ZMAT4: variants seen among roughly 807,000 people sequenced by gnomAD.
ZMAT4 encodes the protein zinc finger matrin-type protein 4.
Under a neutral mutation model 28.7 loss-of-function variants are expected in ZMAT4, and 17 were observed. The observed-to-expected ratio is 0.59, with a 90% CI of 0.41 to 0.89. The LOEUF (loss-of-function observed/expected upper bound fraction) is 0.89, where lower values mean the gene tolerates loss of function less well. ZMAT4 is among the 40% of genes least tolerant of loss of function. The probability of loss-of-function intolerance (pLI) is 0.00; values close to 1 mark genes in which losing one functional copy is unlikely to be tolerated. For synonymous variants in ZMAT4, 117 were observed against 109.2 expected, an observed-to-expected ratio of 1.07 and a Z score of -0.44; for missense variants, 240 against 283.8, an observed-to-expected ratio of 0.85 and a Z score of 1.11.
chr8:40,697,949 C>T (rs900938894), intron 3 of ZMAT4, among the ~76,000 whole-genome samples: 1 of 152,126 alleles, frequency 6.6e-6, no homozygotes, highest in Non-Finnish European at 1.5e-5. Context: ...ACCCATTATA[C>T]TCATTAAAGT....
chr8:40,711,001 G>T (rs1183177929), intron 3 of ZMAT4, among the ~76,000 whole-genome samples: 1 of 152,052 alleles, frequency 6.6e-6, no homozygotes, highest in African/African-American at 2.4e-5. Flanking sequence ...GGCTAGGATG[G>T]TCTCGATCTC....
At chr8:40,734,309 A>C (rs4526345) in intron 3 of ZMAT4, among the ~76,000 whole-genome samples, 36,270 of 152,050 alleles carry the variant, frequency 0.24, 4,871 homozygotes, top group East Asian at 0.56. Context: ...CTGGCACATT[A>C]TTAAATGGCA....
chr8:40,870,559 T>G (rs1389616762), intron 1 of ZMAT4, among the ~76,000 whole-genome samples: 1 of 152,202 alleles, frequency 6.6e-6, no homozygotes, highest in East Asian at 1.9e-4. Flanking sequence ...AGAAGTGAAT[T>G]ATTTATTCCA....
At chr8:40,575,963 T>G (rs1356627018) in intron 6 of ZMAT4, among the ~76,000 whole-genome samples, 4 of 151,650 alleles carry the variant, frequency 2.6e-5, no homozygotes, top group Admixed American at 1.3e-4. Context: ...AAGTTAGATA[T>G]CTCAAAAAAG....
intron 3 of ZMAT4, 37 bp from the exon 4 acceptor site, chr8:40,697,438 A>T (rs1563418561): frequency 6.8e-7 from 1 of 1,463,300 alleles, no homozygotes. Flanking sequence ...TGTGAGAGAA[A>T]CCCATTCCAT....
chr8:40,589,728 T>TTTCTTTCTTTC (rs1554523983), intron 5 of ZMAT4, among the ~76,000 whole-genome samples: 3 of 49,242 alleles, frequency 6.1e-5, no homozygotes, highest in African/African-American at 2.0e-4. Flanking sequence ...TCCTTCTTCC[T>TTTCTTTCTTTC]TTCCTTTCTT....
intron 5 of ZMAT4, among the ~76,000 whole-genome samples, chr8:40,639,889 G>A (rs1270489910): frequency 6.6e-6 from 1 of 151,590 alleles, no homozygotes; most frequent in African/African-American, 2.4e-5. Context: ...TTTTAAAAAG[G>A]GTAAAAAAAC....
rs10099922 is a variant in ZMAT4 at position 40,736,063 on chromosome 8, G to A, written c.192+31578C>T. Among the ~76,000 whole-genome samples, 715 of 152,264 alleles carry A rather than the reference G, an allele frequency of 4.7e-3. 2 individuals are homozygous for A. Among genetic ancestry groups the A allele is most frequent in the African/African-American group, 0.016 (677 of 41,546 alleles). ...ATGCAGTAATGCCACAGTGCAGAGC[G>A]GGAGAAACACTGTATAAAGTCAACC... On this transcript the variant is annotated intron_variant, in intron 3 of 6. Transcript: ENST00000297737.
rs891944893 is a variant in ZMAT4, at chr8:40,873,105, C to G, written c.-5+24578G>C. On this transcript the variant is annotated intron_variant, in intron 1 of 6. Transcript: ENST00000297737. ...TTAGATGAAGAATCCTTGGGAGGAA[C>G]AAAGGGGGCAACTGCAGCTTTGAGG... is the stretch of plus-strand genomic sequence containing the variant. Among the ~76,000 whole-genome samples, 8 of 152,236 alleles carry G rather than the reference C, an allele frequency of 5.3e-5. No individual in the cohort carries two copies. In the South Asian group the frequency reaches 1.7e-3, roughly 32 times the overall value.
At chr8:40,828,318 T>G (rs1047141976) in intron 1 of ZMAT4, among the ~76,000 whole-genome samples, 1 of 152,222 alleles carries the variant, frequency 6.6e-6, no homozygotes, top group South Asian at 2.1e-4. Context: ...ATTATCATGT[T>G]CCCTGCTATT....
At chr8:40,548,147 C>G (rs1803259035) in intron 6 of ZMAT4, among the ~76,000 whole-genome samples, 1 of 152,092 alleles carries the variant, frequency 6.6e-6, no homozygotes, top group Non-Finnish European at 1.5e-5. Context: ...AAGAGATAAT[C>G]AAACATTTAG....
rs4431579 is a variant in ZMAT4 at position 40,706,713 on chromosome 8, C to G, written c.193-9312G>C. Among the ~76,000 whole-genome samples the G allele has an allele frequency of 7.9e-5, 12 of 152,270 alleles. No homozygotes were observed. In the South Asian group the frequency reaches 2.3e-3, roughly 29 times the overall value. On this transcript the variant is annotated intron_variant, in intron 3 of 6. Transcript: ENST00000297737. ...GGGTGCTTTTCAGACATAATATGCTCCAAGCAAATTGATTTTTTTCAAGGT... is the reference window on the plus strand; with the variant it reads ...GGGTGCTTTTCAGACATAATATGCTGCAAGCAAATTGATTTTTTTCAAGGT...
intron 1 of ZMAT4, among the ~76,000 whole-genome samples, chr8:40,864,880 C>T (rs1265641447): frequency 6.6e-6 from 1 of 152,084 alleles, no homozygotes; most frequent in African/African-American, 2.4e-5. Flanking sequence ...TATAAAATTC[C>T]AATATTTATG....
rs530299131 is a variant in ZMAT4 at position 40,796,083 on chromosome 8, C to G, written c.103-28353G>C. The stretch of plus-strand genomic sequence containing the variant: ...CTCCTCAGAACAACCCAGCTCTCCC[C>G]CTCTGGCTGACTCTCAGGGGCTGAC... On this transcript the variant is annotated intron_variant, in intron 2 of 6. Coordinates refer to ENST00000297737, the MANE Select transcript of ZMAT4 (RefSeq NM_024645.3). Among the ~76,000 whole-genome samples the G allele has an allele frequency of 2.6e-4, 39 of 152,296 alleles. No homozygotes were observed. The South Asian group carries it at 7.3e-3, about 28-fold the overall frequency.
intron 5 of ZMAT4, among the ~76,000 whole-genome samples, chr8:40,594,044 G>A (rs1804999964): frequency 6.6e-6 from 1 of 152,160 alleles, no homozygotes; most frequent in African/African-American, 2.4e-5. Flanking sequence ...TTCAGGTGTG[G>A]CCAGTTAGGT....
intron 5 of ZMAT4, among the ~76,000 whole-genome samples, chr8:40,662,574 A>G (rs539405204): frequency 1.3e-5 from 2 of 152,320 alleles, no homozygotes; most frequent in South Asian, 2.1e-4. Context: ...AAGCGTCTTT[A>G]GAGAGTGTTC....
At chr8:40,786,986 C>T (rs1026377783) in intron 2 of ZMAT4, among the ~76,000 whole-genome samples, 1 of 152,084 alleles carries the variant, frequency 6.6e-6, no homozygotes, top group African/African-American at 2.4e-5. Context: ...GAAATTTTTT[C>T]AATAAACACC....
intron 5 of ZMAT4, among the ~76,000 whole-genome samples, chr8:40,637,812 C>A (rs1806853068): frequency 6.6e-6 from 1 of 152,096 alleles, no homozygotes. Context: ...ATAGCACGTG[C>A]TATATTTTAA....
At chr8:40,847,869 C>G (rs1031514731) in intron 1 of ZMAT4, among the ~76,000 whole-genome samples, 2 of 152,188 alleles carry the variant, frequency 1.3e-5, no homozygotes, top group African/African-American at 4.8e-5. Context: ...ACAGAAAACC[C>G]TGAGGTCAGC....
Sources: allele counts gnomAD v4.1 joint callset (sites outside exome capture counted in the v4.1 genomes callset), GRCh38; gene constraint gnomAD v4.1.1; transcripts MANE v1.5; gene names NCBI Gene and HGNC (gene_info 2026-07-23, HGNC 2026-07-21).